RASGRF1: variants seen among roughly 807,000 people sequenced by gnomAD.
RASGRF1 encodes ras-specific guanine nucleotide-releasing factor 1.
Under a neutral mutation model 138.7 loss-of-function variants are expected in RASGRF1, and 40 were observed. The ratio of observed to expected loss-of-function variants is 0.29; its 90% CI spans 0.22 to 0.38. The LOEUF (loss-of-function observed/expected upper bound fraction) is 0.38. RASGRF1 is among the 10% of genes least tolerant of loss of function. The pLI, the probability that RASGRF1 is intolerant of heterozygous loss-of-function variation, is 1.00. For synonymous variants in RASGRF1, 614 were observed against 663.2 expected, an observed-to-expected ratio of 0.93 and a Z score of 1.14; for missense variants, 1,108 against 1,650.4, an observed-to-expected ratio of 0.67 and a Z score of 5.69.
At chr15:79,012,367 T>G (rs1400526774) in intron 13 of RASGRF1, 4 of 745,538 alleles carry the variant, frequency 5.4e-6, no homozygotes, top group Non-Finnish European at 9.3e-6. Flanking sequence ...ACTCATCTTC[T>G]GGACCTCGCC....
rs777017503 is a variant in RASGRF1 at position 79,020,134 on chromosome 15, A to G, written c.1543-30T>C. The stretch of plus-strand genomic sequence containing the variant: ...AAAAGAGCAGCAGGGGCTGCTTTGG[A>G]TTGAGGGGTAGATATGCTGGTTTAG... On this transcript the variant is annotated intron_variant, in intron 10 of 26. Coordinates refer to ENST00000558480, the MANE Select transcript of RASGRF1 (RefSeq NM_001145648.3). 6 of 1,605,698 alleles carry G rather than the reference A, an allele frequency of 3.7e-6. No individual in the cohort carries two copies. In the East Asian group the frequency reaches 8.9e-5, roughly 24 times the overall value.
chr15:78,995,508 C>T (rs2056372902), intron 20 of RASGRF1, among the ~76,000 whole-genome samples: 3 of 151,538 alleles, frequency 2.0e-5, no homozygotes, highest in African/African-American at 7.3e-5. Flanking sequence ...AGGCTGGTCT[C>T]CACCTCCTGA....
chr15:79,090,079 C>G, intron 1 of RASGRF1, 144 bp downstream of exon 1: 1 of 1,215,146 alleles, frequency 8.2e-7, no homozygotes, highest in Non-Finnish European at 1.1e-6. Context: ...GAGCAAGCCT[C>G]CCCTCTCGCT....
rs1289081620 is a variant in RASGRF1 at position 79,006,384 on chromosome 15, G to A, written c.1877C>T (p.Thr626Ile). 1 of 1,614,038 alleles carries A rather than the reference G, an allele frequency of 6.2e-7. No homozygotes were observed. Among genetic ancestry groups the A allele is most frequent in the Admixed American group, 1.7e-5 (1 of 60,002 alleles). The change falls in exon 14 of 27, where the codon ACC (threonine) becomes ATC (isoleucine). Residue 626 changes from threonine (T) to isoleucine (I), a missense_variant. By Grantham distance (89) the Thr-to-Ile change is moderately conservative. Around this residue, in one of 3 missense-constraint regions of RASGRF1, gnomAD observed 686 missense variants for 976.7 expected, o/e 0.70. Coordinates refer to ENST00000558480, the MANE Select transcript of RASGRF1 (RefSeq NM_001145648.3). The surrounding 1 kb of genome is among the most constrained non-coding windows in gnomAD (Gnocchi z 4.0). The stretch of plus-strand genomic sequence containing the variant: ...CTGCAGCACTTTGCAGGAGTTCATG[G>A]TTTTGCTGAAGCGAATGTCAACATC... ...CDDVDIRFSK[T>I]MNSCKVLQIR...
At chr15:78,976,002 C>T (rs1042926745) in intron 24 of RASGRF1, among the ~76,000 whole-genome samples, 15 of 152,094 alleles carry the variant, frequency 9.9e-5, no homozygotes, top group African/African-American at 1.2e-4. Context: ...GCCAGGTAGC[C>T]GTGGAGTGCT....
chr15:79,009,165 A>G (rs945289267), intron 13 of RASGRF1, among the ~76,000 whole-genome samples: 1 of 152,250 alleles, frequency 6.6e-6, no homozygotes, highest in Admixed American at 6.5e-5. Flanking sequence ...GATATCTGAT[A>G]GGACCTCACA....
intron 22 of RASGRF1, among the ~76,000 whole-genome samples, chr15:78,989,336 A>G (rs1391135090): frequency 6.6e-6 from 1 of 152,128 alleles, no homozygotes; most frequent in Non-Finnish European, 1.5e-5. Flanking sequence ...CTTCCCCAGG[A>G]AAGCTGGGGC....
rs184359924 is a variant in RASGRF1, at chr15:79,036,040, C to T, written c.879-830G>A. ...CCGGCCTTCCCCCCAACCCGTTTTC[C>T]ATCCACTGCTCCCCAAGCAGCTGGT... is the stretch of plus-strand genomic sequence containing the variant. On this transcript the variant is annotated intron_variant, in intron 5 of 26. Transcript: ENST00000558480. Among the ~76,000 whole-genome samples the T allele has an allele frequency of 6.3e-3, 964 of 152,342 alleles. 28 individuals carry two copies. Among genetic ancestry groups the T allele is most frequent in the Admixed American group, 0.045 (683 of 15,300 alleles).
chr15:79,047,015 G>C lies in RASGRF1; in HGVS notation c.625-16C>G. 1.2e-6 allele frequency: 2 copies of C among 1,602,944 alleles called. No individual in the cohort carries two copies. The highest frequency in any genetic ancestry group is 1.7e-6 in the Non-Finnish European group (2 of 1,174,260). On this transcript the variant is annotated splice_polypyrimidine_tract_variant and intron_variant, in intron 4 of 26. Transcript: ENST00000558480. ...AGCTCTGCACCTGAGCAGCAAGACCGGTGGGGAGAGGCTCCTGTCAGGGAG... is the reference window on the plus strand; with the variant it reads ...AGCTCTGCACCTGAGCAGCAAGACCCGTGGGGAGAGGCTCCTGTCAGGGAG...
chr15:79,064,493 G>T lies in RASGRF1; in HGVS notation c.310C>A (p.Gln104Lys). 6.2e-7 allele frequency: 1 copy of T among 1,614,180 alleles called. No individual in the cohort carries two copies. The highest frequency in any genetic ancestry group is 8.5e-7 in the Non-Finnish European group (1 of 1,180,034). Residue 104 changes from glutamine (Q) to lysine (K), a missense_variant, in exon 2 of 27, where the codon CAG becomes AAG. Around this residue, in one of 3 missense-constraint regions of RASGRF1, gnomAD observed 253 missense variants for 329.5 expected, o/e 0.77. Transcript: ENST00000558480. Reference sequence around the variant, plus strand: ...TCTGTCCTCAGCTCCAAGGCTTTCTGGTTCTCATGGCTGAAGTTCACCGTG... The same window carrying T: ...TCTGTCCTCAGCTCCAAGGCTTTCTTGTTCTCATGGCTGAAGTTCACCGTG... ...YFTVNFSHEN[Q>K]KALELRTEDA...
chr15:79,036,383 T>C (rs1304767877), intron 5 of RASGRF1, among the ~76,000 whole-genome samples: 1 of 152,186 alleles, frequency 6.6e-6, no homozygotes, highest in African/African-American at 2.4e-5. Context: ...TTCTCCTGTC[T>C]TTCTTTGGCG....
chr15:79,064,577 C>A (rs773613738), intron 1 of RASGRF1, 51 bp from the exon 2 acceptor site: 1 of 1,538,196 alleles, frequency 6.5e-7, no homozygotes, highest in Non-Finnish European at 9.0e-7. Flanking sequence ...ATGGGACCAA[C>A]AACGACTCTT....
intron 10 of RASGRF1, 62 bp downstream of exon 10, chr15:79,025,252 C>T (rs1249209914): frequency 6.6e-7 from 1 of 1,513,078 alleles, no homozygotes; most frequent in African/African-American, 1.4e-5. Flanking sequence ...ACCCTCTGGC[C>T]AGGACAGCGC....
chr15:79,059,981 C>G (rs2057578908), intron 2 of RASGRF1, among the ~76,000 whole-genome samples: 1 of 8,440 alleles, frequency 1.2e-4, no homozygotes, highest in African/African-American at 5.9e-4. Context: ...CACACACACA[C>G]AGACACACAG....
intron 5 of RASGRF1, among the ~76,000 whole-genome samples, chr15:79,040,915 A>T (rs147630105): frequency 7.0e-4 from 106 of 152,356 alleles, no homozygotes; most frequent in African/African-American, 2.4e-3. Flanking sequence ...CTCATTCAAC[A>T]CATAGTGATT....
intron 26 of RASGRF1, among the ~76,000 whole-genome samples, chr15:78,968,983 C>G (rs1030512988): frequency 1.3e-5 from 2 of 152,200 alleles, no homozygotes; most frequent in African/African-American, 4.8e-5. Flanking sequence ...AATTTTCCAT[C>G]CACTGACCCC....
At chr15:79,024,689 T>C (rs1401057448) in intron 10 of RASGRF1, among the ~76,000 whole-genome samples, 1 of 152,198 alleles carries the variant, frequency 6.6e-6, no homozygotes, top group Non-Finnish European at 1.5e-5. Flanking sequence ...CCTGCTGCCA[T>C]GTAAGACATG....
intron 20 of RASGRF1, among the ~76,000 whole-genome samples, chr15:78,993,481 G>A (rs1287715856): frequency 6.6e-6 from 1 of 152,010 alleles, no homozygotes; most frequent in Non-Finnish European, 1.5e-5. Context: ...CCAGGTGCAG[G>A]AACATGGGTG....
chr15:79,041,945 C>CA (rs1179199912), intron 5 of RASGRF1, among the ~76,000 whole-genome samples: 1 of 152,190 alleles, frequency 6.6e-6, no homozygotes, highest in Non-Finnish European at 1.5e-5. Flanking sequence ...TCAGTCAGCG[C>CA]AGGAAGCAAG....
Sources: gnomAD v4.1 joint callset for allele counts (sites outside exome capture counted in the v4.1 genomes callset) on GRCh38, gnomAD v4.1.1 for gene constraint, gnomAD v4.1.1 regional missense constraint, Gnocchi (gnomAD v3.1) non-coding constraint, MANE v1.5 for transcripts, NCBI Gene and HGNC (gene_info 2026-07-23, HGNC 2026-07-21) for gene names.